Variants in TOR4A observed in about 807,000 individuals in gnomAD.
The protein encoded by TOR4A is torsin family 4 member A.
Under a neutral mutation model 11.5 loss-of-function variants are expected in TOR4A, and 12 were observed. The ratio of observed to expected loss-of-function variants is 1.04; its 90% confidence interval spans 0.67 to 1.69. TOR4A has a LOEUF of 1.69. Among genes scored for constraint, TOR4A ranks in the 40% most tolerant of loss-of-function variants. The pLI, the probability that TOR4A is intolerant of heterozygous loss-of-function variation, is 0.00. For missense variants in TOR4A, 640 were observed against 643.2 expected, an observed-to-expected ratio of 0.99 and a Z score of 0.05; for synonymous variants, 362 against 307.4, an observed-to-expected ratio of 1.18 and a Z score of -1.86.
Position 137,280,133 on chromosome 9 carries a change from G to C in TOR4A, c.*172G>C. On this transcript the variant is annotated 3_prime_UTR_variant, in exon 2 of 2. Coordinates refer to ENST00000357503, the MANE Select transcript of TOR4A (RefSeq NM_017723.3). ...AGGTCCACACCCGCCTCAGAGTCCGGAGTCTGTCCCTGGGGGCGGCAGGAC... is the reference window on the plus strand; with the variant it reads ...AGGTCCACACCCGCCTCAGAGTCCGCAGTCTGTCCCTGGGGGCGGCAGGAC... 1.3e-6 allele frequency: 1 copy of C among 765,210 alleles called. No individual in the cohort carries two copies. The highest frequency in any genetic ancestry group is 2.9e-5 in the Admixed American group (1 of 33,950). The allele number at this position is 765,210 out of a possible 1,614,324, so 47.4% of individuals were successfully genotyped here.
intron 1 of TOR4A, 123 bp from the exon 2 acceptor site, chr9:137,278,530 G>T: frequency 1.6e-6 from 1 of 636,758 alleles, no homozygotes; most frequent in Non-Finnish European, 2.2e-6. Context: ...TGGCCCTGGG[G>T]CAGCCCGGGC....
At position 137,278,790 on chromosome 9, in the gene TOR4A, G is replaced by T; in HGVS notation, c.101G>T (p.Arg34Leu). ...GTGCGCGCTGTGCTCCGCCTGCGCC[G>T]CCGGGTGTGTGTCCTACGCAAACGG... is the stretch of plus-strand genomic sequence containing the variant. The part of the protein sequence containing the change: ...APVRAVLRLR[R>L]RVCVLRKRRL... The change falls in exon 2 of 2, where the codon CGC becomes CTC. Residue 34 changes from arginine to leucine, a missense_variant. By Grantham distance (102) the Arg-to-Leu change is moderately radical. Coordinates refer to ENST00000357503, the MANE Select transcript of TOR4A (RefSeq NM_017723.3). The T allele has an allele frequency of 1.4e-6, 2 of 1,451,732 alleles. No homozygotes were observed. The highest frequency in any genetic ancestry group is 1.5e-5 in the African/African-American group (1 of 67,356). 89.9% of individuals were successfully genotyped at this position (1,451,732 alleles called of 1,614,324 possible). A position where few individuals can be genotyped will look rare whatever the true frequency, so the allele number is the denominator to read the frequency against.
chr9:137,278,285 C>CG (rs1830668148), intron 1 of TOR4A, among the ~76,000 whole-genome samples: 1 of 152,104 alleles, frequency 6.6e-6, no homozygotes, highest in Non-Finnish European at 1.5e-5. Context: ...GGGCAGGGTC[C>CG]GGGGGTGACT....
rs1273873451 is a variant in TOR4A at position 137,279,569 on chromosome 9, G to T, written c.880G>T (p.Ala294Ser). 2 of 1,581,460 alleles carry T rather than the reference G, an allele frequency of 1.3e-6. No homozygotes were observed. The highest frequency in any genetic ancestry group is 1.7e-6 in the Non-Finnish European group (2 of 1,167,448). ...GCAGCGCTCCCACCACTTCCACAAC[G>T]CCATCTACGTGCTCCTCAGTGGCGC... ...QPQRSHHFHN[A>S]IYVLLSGAGG... Residue 294 changes from alanine (A) to serine (S), a missense_variant, in exon 2 of 2, where the codon GCC becomes TCC. Physicochemically the swap from Ala to Ser is moderately conservative, Grantham distance 99 (BLOSUM62 1). Coordinates refer to ENST00000357503, the MANE Select transcript of TOR4A (RefSeq NM_017723.3).
At position 137,280,143 on chromosome 9, in the gene TOR4A, C is replaced by G. The variant is rs1830697821; in HGVS notation, c.*182C>G. 1 of 718,704 alleles carries G rather than the reference C, an allele frequency of 1.4e-6. No individual in the cohort carries two copies. Among genetic ancestry groups the G allele is most frequent in the African/African-American group, 1.8e-5 (1 of 55,756 alleles). 44.5% of individuals were successfully genotyped at this position (718,704 alleles called of 1,614,324 possible). A position where few individuals can be genotyped will look rare whatever the true frequency, so the allele number is the denominator to read the frequency against. On this transcript the variant is annotated 3_prime_UTR_variant, in exon 2 of 2. Coordinates refer to ENST00000357503, the MANE Select transcript of TOR4A (RefSeq NM_017723.3). ...CCGCCTCAGAGTCCGGAGTCTGTCC[C>G]TGGGGGCGGCAGGACAGCAGCCACC...
chr9:137,278,495 A>C (rs1302670942), intron 1 of TOR4A, among the ~76,000 whole-genome samples, 158 bp from the exon 2 acceptor site: 5 of 150,866 alleles, frequency 3.3e-5, no homozygotes, highest in Non-Finnish European at 7.4e-5. Flanking sequence ...TGCCGGTCTG[A>C]GGGGCGAGGC....
Position 137,279,278 on chromosome 9 carries a change from G to A in TOR4A, c.589G>A (p.Gly197Ser), listed in dbSNP as rs1210417305. The A allele has an allele frequency of 2.0e-6, 3 of 1,535,204 alleles. No homozygotes were observed. Among genetic ancestry groups the A allele is most frequent in the Middle Eastern group, 1.8e-4 (1 of 5,682 alleles). Reference sequence around the variant, plus strand: ...CCTCCTGGCGCTGCACGGGCCCAGTGGCGTGGGCAAGAGCCACGTGGGCCG... The same window carrying A: ...CCTCCTGGCGCTGCACGGGCCCAGTAGCGTGGGCAAGAGCCACGTGGGCCG... The part of the protein sequence containing the change: ...PLLLALHGPS[G>S]VGKSHVGRLL... Residue 197 changes from glycine to serine, a missense_variant, in exon 2 of 2, where the codon GGC (glycine) becomes AGC (serine). Transcript: ENST00000357503.
Position 137,279,604 on chromosome 9 carries a change from C to A in TOR4A, c.915C>A (p.Ala305=), listed in dbSNP as rs1023643217. The A allele has an allele frequency of 6.4e-7, 1 of 1,565,904 alleles. No individual in the cohort carries two copies. Among genetic ancestry groups the A allele is most frequent in the Admixed American group, 1.8e-5 (1 of 56,636 alleles). The change falls in exon 2 of 2, where the codon GCC becomes GCA. Residue 305 remains alanine (A), a synonymous_variant. Coordinates refer to ENST00000357503, the MANE Select transcript of TOR4A (RefSeq NM_017723.3). ...TGCTCCTCAGTGGCGCGGGTGGCGC[C>A]GAGGTCACGCGCTTCGTGCTGCAGA... ...IYVLLSGAGG[A]EVTRFVLQNA...
rs976679520 is a variant in TOR4A, at chr9:137,282,197, TTC to T, written c.*2238_*2239del. ...CTAAGGGGAAATTTTATCTCTTTCT[TTC>T]TTTCTTTCTTTTTTTTTTGACACAG... On this transcript the variant is annotated 3_prime_UTR_variant, in exon 2 of 2. Coordinates refer to ENST00000357503, the MANE Select transcript of TOR4A (RefSeq NM_017723.3). 6.0e-6 allele frequency: 1 copy of T among 166,884 alleles called. No homozygotes were observed. Among genetic ancestry groups the T allele is most frequent in the African/African-American group, 2.4e-5 (1 of 41,426 alleles). 10.3% of individuals were successfully genotyped at this position (166,884 alleles called of 1,614,324 possible). A position where few individuals can be genotyped will look rare whatever the true frequency, so the allele number is the denominator to read the frequency against.
Position 137,278,718 on chromosome 9 carries a change from C to A in TOR4A, c.29C>A (p.Pro10His). Reference protein sequence around the residue: MDRGQPSLEPAAAAPRASGR... With the variant: MDRGQPSLEHAAAAPRASGR... The stretch of plus-strand genomic sequence containing the variant: ...GACCGCGGCCAGCCCAGCCTGGAGC[C>A]TGCTGCCGCGGCCCCCCGAGCCTCG... The change falls in exon 2 of 2, where the codon CCT becomes CAT. Residue 10 changes from proline (P) to histidine (H), a missense_variant. Physicochemically the swap from Pro to His is moderately conservative, Grantham distance 77 (BLOSUM62 -2). Transcript: ENST00000357503. 7.3e-7 allele frequency: 1 copy of A among 1,377,292 alleles called. No individual in the cohort carries two copies. The highest frequency in any genetic ancestry group is 3.0e-5 in the East Asian group (1 of 32,928). The allele number at this position is 1,377,292 out of a possible 1,614,324, so 85.3% of individuals were successfully genotyped here. A position where few individuals can be genotyped will look rare whatever the true frequency, so the allele number is the denominator to read the frequency against.
Position 137,279,770 on chromosome 9 carries a change from G to T in TOR4A, c.1081G>T (p.Val361Leu). 1 of 1,587,196 alleles carries T rather than the reference G, an allele frequency of 6.3e-7. No homozygotes were observed. Residue 361 changes from valine (V) to leucine (L), a missense_variant, in exon 2 of 2, where the codon GTG becomes TTG. Val to Leu is a conservative substitution (Grantham distance 32, BLOSUM62 1). Transcript: ENST00000357503. ...TCCGCTGTGGCAGGCCGCGGCCATC[G>T]TGCCGTTTCTGCTGCTGGACAAGCG... ...EHPLWQAAAI[V>L]PFLLLDKRDV...
chr9:137,279,450 C>G lies in TOR4A; in HGVS notation c.761C>G (p.Ala254Gly). ...ARRVADVVAR[A>G]EAEEKTPLLV... ...CGCGTGGCCGACGTGGTGGCGCGGGCCGAAGCGGAGGAGAAGACCCCACTC... is the reference window on the plus strand; with the variant it reads ...CGCGTGGCCGACGTGGTGGCGCGGGGCGAAGCGGAGGAGAAGACCCCACTC... The change falls in exon 2 of 2, where the codon GCC becomes GGC. Residue 254 changes from alanine (A) to glycine (G), a missense_variant. Ala to Gly is a moderately conservative substitution (Grantham distance 60, BLOSUM62 0). Coordinates refer to ENST00000357503, the MANE Select transcript of TOR4A (RefSeq NM_017723.3). 2 of 1,541,506 alleles carry G rather than the reference C, an allele frequency of 1.3e-6. No individual in the cohort carries two copies. The highest frequency in any genetic ancestry group is 1.2e-5 in the South Asian group (1 of 84,102).
In TOR4A at chr9:137,280,160, G is replaced by A; in HGVS notation, c.*199G>A. 1 of 649,690 alleles carries A rather than the reference G, an allele frequency of 1.5e-6. No individual in the cohort carries two copies. Among genetic ancestry groups the A allele is most frequent in the Admixed American group, 3.0e-5 (1 of 33,436 alleles). 40.2% of individuals were successfully genotyped at this position (649,690 alleles called of 1,614,324 possible). A position where few individuals can be genotyped will look rare whatever the true frequency, so the allele number is the denominator to read the frequency against. ...GTCTGTCCCTGGGGGCGGCAGGACA[G>A]CAGCCACCTCCCTCCCAAACTTGCC... On this transcript the variant is annotated 3_prime_UTR_variant, in exon 2 of 2. Transcript: ENST00000357503.
At position 137,279,031 on chromosome 9, in the gene TOR4A, G is replaced by A. The variant is rs769998220; in HGVS notation, c.342G>A (p.Glu114=). 4.4e-6 allele frequency: 7 copies of A among 1,605,268 alleles called. No individual in the cohort carries two copies. The highest frequency in any genetic ancestry group is 2.2e-5 in the South Asian group (2 of 89,756). The part of the protein sequence containing the change: ...ETSRKYRPRV[E]HRSRAQRCLL... ...CGCGCAAGTATCGGCCGCGCGTGGA[G>A]CACAGGAGCCGCGCGCAGCGCTGCC... is the stretch of plus-strand genomic sequence containing the variant. The change falls in exon 2 of 2, where the codon GAG becomes GAA. Residue 114 remains glutamate, a synonymous_variant. Coordinates refer to ENST00000357503, the MANE Select transcript of TOR4A (RefSeq NM_017723.3).
chr9:137,278,423 C>A (rs148897511), intron 1 of TOR4A, among the ~76,000 whole-genome samples: 3,992 of 150,070 alleles, frequency 0.027, 146 homozygotes, highest in African/African-American at 0.089. Flanking sequence ...ATGGGAAGAC[C>A]CGAGAGATTT....
In TOR4A at chr9:137,280,285, T is replaced by G; in HGVS notation, c.*324T>G. The G allele has an allele frequency of 5.2e-5, 20 of 383,270 alleles. No individual in the cohort carries two copies. Among genetic ancestry groups the G allele is most frequent in the Non-Finnish European group, 8.4e-5 (17 of 202,292 alleles). The allele number at this position is 383,270 out of a possible 1,614,324, so 23.7% of individuals were successfully genotyped here. On this transcript the variant is annotated 3_prime_UTR_variant, in exon 2 of 2. Transcript: ENST00000357503. The stretch of plus-strand genomic sequence containing the variant: ...ACAAGGATGATCTCAGGGCCAACAA[T>G]TCCCGGGGTCACACAGCTGGGACGT...
In TOR4A at chr9:137,279,142, C is replaced by T. The variant is rs1830681787; in HGVS notation, c.453C>T (p.Asp151=). Residue 151 remains aspartate (D), a synonymous_variant, in exon 2 of 2, where the codon GAC becomes GAT. Coordinates refer to ENST00000357503, the MANE Select transcript of TOR4A (RefSeq NM_017723.3). The part of the protein sequence containing the change: ...LDDNAQRYDL[D]GLEKALQRAV... ...ATAACGCGCAGCGCTATGACCTCGA[C>T]GGGCTGGAGAAAGCGCTGCAGCGCG... 1.9e-6 allele frequency: 3 copies of T among 1,579,860 alleles called. No homozygotes were observed. Among genetic ancestry groups the T allele is most frequent in the East Asian group, 4.7e-5 (2 of 42,924 alleles).
At position 137,278,687 on chromosome 9, in the gene TOR4A, G is replaced by T; in HGVS notation, c.-3G>T. 1 of 1,341,560 alleles carries T rather than the reference G, an allele frequency of 7.5e-7. No homozygotes were observed. The highest frequency in any genetic ancestry group is 1.9e-5 in the South Asian group (1 of 53,784). 83.1% of individuals were successfully genotyped at this position (1,341,560 alleles called of 1,614,324 possible). ...CCTGTATGCGGAGCGCCGTTCCTGC[G>T]ACATGGACCGCGGCCAGCCCAGCCT... On this transcript the variant is annotated 5_prime_UTR_variant, in exon 2 of 2. Transcript: ENST00000357503.
At chr9:137,278,385 G>GCCACTTCCTCAAGGCCC (rs1260329127) in intron 1 of TOR4A, among the ~76,000 whole-genome samples, 2 of 152,096 alleles carry the variant, frequency 1.3e-5, no homozygotes, top group Non-Finnish European at 2.9e-5. Context: ...CCTCTACCCC[G>GCCACTTCCTCAAGGCCC]CCACTTCCTC....
Sources: gnomAD v4.1 joint callset for allele counts (sites outside exome capture counted in the v4.1 genomes callset) on GRCh38, gnomAD v4.1.1 for gene constraint, MANE v1.5 for transcripts, NCBI Gene and HGNC (gene_info 2026-07-23, HGNC 2026-07-21) for gene names.